Variants in TRIO observed in about 807,000 individuals in gnomAD.
TRIO encodes the protein triple functional domain protein.
In TRIO, 58 loss-of-function variants were observed where a neutral mutation model predicts 351.9. The observed-to-expected ratio is 0.16, with a 90% CI of 0.13 to 0.21. The LOEUF is 0.21. TRIO is among the 10% of genes least tolerant of loss of function. The pLI is 1.00. For missense variants in TRIO, 3,201 were observed against 4,027.8 expected, an observed-to-expected ratio of 0.79 and a Z score of 5.56; for synonymous variants, 1,758 against 1,595.7, an observed-to-expected ratio of 1.10 and a Z score of -2.42.
At position 14,498,193 on chromosome 5, in the gene TRIO, T is replaced by C. The variant is rs1187128965; in HGVS notation, c.8152T>C (p.Trp2718Arg). Residue 2718 changes from tryptophan (W) to arginine (R), a missense_variant, in exon 52 of 57, where the codon TGG becomes CGG. Physicochemically the swap from Trp to Arg is moderately radical, Grantham distance 101. Coordinates refer to ENST00000344204, the MANE Select transcript of TRIO (RefSeq NM_007118.4). ...TGGCCGCCCCAAAGCCTCAATTACC[T>C]GGAAGGGCCCTGAACACAACACCTT... is the stretch of plus-strand genomic sequence containing the variant. ...VCGRPKASIT[W>R]KGPEHNTLNN... 7 of 1,614,220 alleles carry C rather than the reference T, an allele frequency of 4.3e-6. No homozygotes were observed. Among genetic ancestry groups the C allele is most frequent in the Non-Finnish European group, 5.1e-6 (6 of 1,180,034 alleles).
chr5:14,285,438 G>A (rs1306019595), intron 3 of TRIO, among the ~76,000 whole-genome samples: 1 of 151,874 alleles, frequency 6.6e-6, no homozygotes, highest in Non-Finnish European at 1.5e-5. Flanking sequence ...TACTGATGTA[G>A]ATGTCATATG....
rs1458189675 is a variant in TRIO, at chr5:14,316,553, G to A, written c.1541G>A (p.Arg514Gln). 3 of 1,614,152 alleles carry A rather than the reference G, an allele frequency of 1.9e-6. No individual in the cohort carries two copies. The highest frequency in any genetic ancestry group is 4.5e-5 in the East Asian group (2 of 44,878). ...AAGTCGCTCCTTGACAAGCTCCAGC[G>A]GCCCTTGACTCCCGGCAGCTCCGAT... is the stretch of plus-strand genomic sequence containing the variant. ...DGKSLLDKLQRPLTPGSSDSL... is the reference protein window; with the variant it reads ...DGKSLLDKLQQPLTPGSSDSL... The change falls in exon 9 of 57, where the codon CGG becomes CAG. Residue 514 changes from arginine (R) to glutamine (Q), a missense_variant. By Grantham distance (43) the Arg-to-Gln change is conservative. Transcript: ENST00000344204.
In TRIO at chr5:14,248,002, G is replaced by A. The variant is rs1794532773; in HGVS notation, c.158-22823G>A. ...AATGGCTTGAACCTGGGAGGTGGAG[G>A]TTGCAGTGAGCCGAGATTGCGCCAC... On this transcript the variant is annotated intron_variant, in intron 1 of 56. Coordinates refer to ENST00000344204, the MANE Select transcript of TRIO (RefSeq NM_007118.4). 5.3e-5 allele frequency among the ~76,000 whole-genome samples: 8 copies of A among 150,210 alleles called. No individual in the cohort carries two copies. The South Asian group carries it at 1.7e-3, about 32-fold the overall frequency.
intron 6 of TRIO, 83 bp from the exon 7 acceptor site, chr5:14,296,989 A>T (rs1737416114): frequency 8.2e-7 from 1 of 1,222,492 alleles, no homozygotes; most frequent in Admixed American, 2.1e-5. Flanking sequence ...CCTGTGTTTC[A>T]GCAGGTGGCA....
chr5:14,435,595 T>TA (rs1212858596), intron 34 of TRIO, among the ~76,000 whole-genome samples: 2 of 152,242 alleles, frequency 1.3e-5, no homozygotes, highest in African/African-American at 4.8e-5. Flanking sequence ...TACCTAATGG[T>TA]ATTTCATAGT....
At chr5:14,396,782 T>A (rs908634416) in intron 28 of TRIO, among the ~76,000 whole-genome samples, 6 of 152,084 alleles carry the variant, frequency 3.9e-5, no homozygotes, top group African/African-American at 1.4e-4. Context: ...TGTTTATCAT[T>A]TTTGAGGCTT....
intron 1 of TRIO, among the ~76,000 whole-genome samples, chr5:14,236,537 T>C (rs1793776815): frequency 6.6e-6 from 1 of 152,206 alleles, no homozygotes; most frequent in African/African-American, 2.4e-5. Context: ...CTATTGTATA[T>C]ACCAAAACTT....
chr5:14,372,457 G>A (rs992764511), intron 18 of TRIO, among the ~76,000 whole-genome samples: 2 of 152,124 alleles, frequency 1.3e-5, no homozygotes, highest in Non-Finnish European at 2.9e-5. Flanking sequence ...TCAGCTAATG[G>A]TGTTAGTACC....
At chr5:14,290,372 A>G (rs907490066) in intron 4 of TRIO, among the ~76,000 whole-genome samples, 11 of 152,376 alleles carry the variant, frequency 7.2e-5, no homozygotes, top group Admixed American at 3.3e-4. Context: ...CTGAACTTGC[A>G]ATTTAACCTG....
intron 1 of TRIO, among the ~76,000 whole-genome samples, chr5:14,217,871 C>G (rs1408702364): frequency 6.6e-6 from 1 of 152,184 alleles, no homozygotes; most frequent in African/African-American, 2.4e-5. Flanking sequence ...AGGAAAGTGT[C>G]TCTGTCTTTT....
rs150493969 is a variant in TRIO at position 14,508,290 on chromosome 5, C to T, written c.9162C>T (p.Asn3054=). ...AGGAGCAGTGGCTGCAGGCCGGCAA[C>T]GGCAGAAGCACGGGCGTCCTCGACA... is the stretch of plus-strand genomic sequence containing the variant. ...ALQEQWLQAG[N]GRSTGVLDTS... Residue 3054 remains asparagine (N), a synonymous_variant, in exon 57 of 57, where the codon AAC becomes AAT. Transcript: ENST00000344204. 5.3e-5 allele frequency: 85 copies of T among 1,613,860 alleles called. No individual in the cohort carries two copies. Among genetic ancestry groups the T allele is most frequent in the Admixed American group, 3.5e-4 (21 of 60,030 alleles).
chr5:14,470,198 A>C (rs960922894), intron 37 of TRIO, among the ~76,000 whole-genome samples: 10 of 152,256 alleles, frequency 6.6e-5, no homozygotes, highest in African/African-American at 2.4e-4. Context: ...CATGGGTTTT[A>C]ACAAGATTGC....
Position 14,487,908 on chromosome 5 carries a change from G to C in TRIO, c.7280G>C (p.Gly2427Ala), listed in dbSNP as rs1455960623. 2 of 1,540,092 alleles carry C rather than the reference G, an allele frequency of 1.3e-6. No individual in the cohort carries two copies. The highest frequency in any genetic ancestry group is 2.4e-5 in the East Asian group (1 of 40,830). The change falls in exon 48 of 57, where the codon GGG becomes GCG. Residue 2427 changes from glycine to alanine, a missense_variant. Around this residue, in one of 19 missense-constraint regions of TRIO, gnomAD observed 1,089 missense variants for 954.9 expected, o/e 1.14. Coordinates refer to ENST00000344204, the MANE Select transcript of TRIO (RefSeq NM_007118.4). The stretch of plus-strand genomic sequence containing the variant: ...AGGAAAGGCGCCGCGAACGCCTCGG[G>C]GTCGAGCCCAGACGCCCCCGCCAAG... ...SPRKGAANASGSSPDAPAKDA... is the reference protein window; with the variant it reads ...SPRKGAANASASSPDAPAKDA...
intron 34 of TRIO, among the ~76,000 whole-genome samples, chr5:14,446,562 G>T (rs749225370): frequency 2.6e-5 from 4 of 152,176 alleles, no homozygotes; most frequent in African/African-American, 4.8e-5. Flanking sequence ...GTTGCATCCC[G>T]TAATGCTTTG....
chr5:14,404,601 A>G (rs1018895730), intron 31 of TRIO, among the ~76,000 whole-genome samples: 6 of 152,076 alleles, frequency 3.9e-5, no homozygotes, highest in African/African-American at 1.4e-4. Flanking sequence ...ACCAATTTGT[A>G]GTTTTTAGAA....
intron 1 of TRIO, among the ~76,000 whole-genome samples, chr5:14,211,519 G>A (rs1791891057): frequency 6.7e-6 from 1 of 149,280 alleles, no homozygotes; most frequent in East Asian, 2.0e-4. Context: ...ATGTGTGCTT[G>A]AAGGTATATA....
At chr5:14,323,529 G>GAT (rs112593496) in intron 9 of TRIO, among the ~76,000 whole-genome samples, 5 of 151,810 alleles carry the variant, frequency 3.3e-5, no homozygotes, top group African/African-American at 7.2e-5. Context: ...CAGAGAGAGA[G>GAT]AGGAGTTTAG....
At position 14,330,852 on chromosome 5, in the gene TRIO, G is replaced by A. The variant is rs1487678293; in HGVS notation, c.1806G>A (p.Arg602=). The change falls in exon 10 of 57, where the codon CGG becomes CGA. Residue 602 remains arginine (R), a synonymous_variant. Coordinates refer to ENST00000344204, the MANE Select transcript of TRIO (RefSeq NM_007118.4). ...KHTGVGKSLH[R]ARALQKRHED... is the part of the protein sequence containing the mutation. ...CAGGTGTGGGGAAATCTCTTCATCG[G>A]GCCAGAGCATTGCAGAAACGTCATG... 1.2e-6 allele frequency: 2 copies of A among 1,613,988 alleles called. No homozygotes were observed. The highest frequency in any genetic ancestry group is 1.7e-6 in the Non-Finnish European group (2 of 1,179,998).
intron 34 of TRIO, among the ~76,000 whole-genome samples, chr5:14,436,449 CT>C (rs200653908): frequency 0.021 from 3,194 of 152,264 alleles, 116 homozygotes; most frequent in African/African-American, 0.073. Flanking sequence ...CATTCCACCC[CT>C]GGTCCCTCCC....
Sources: allele counts gnomAD v4.1 joint callset (sites outside exome capture counted in the v4.1 genomes callset), GRCh38; gene constraint gnomAD v4.1.1; regional missense constraint gnomAD v4.1.1; transcripts MANE v1.5; gene names NCBI Gene and HGNC (gene_info 2026-07-23, HGNC 2026-07-21).